PTPRG: variants seen among roughly 807,000 people sequenced by gnomAD.
The protein encoded by PTPRG is receptor-type tyrosine-protein phosphatase gamma.
In PTPRG, 102 loss-of-function variants were observed where a neutral mutation model predicts 165.3. The ratio of observed to expected loss-of-function variants is 0.62; its 90% CI spans 0.53 to 0.73. The LOEUF is 0.73. Ranked by LOEUF, PTPRG falls within the 30% of genes least tolerant of loss-of-function variation. The probability of loss-of-function intolerance (pLI) is 0.00; values close to 1 mark genes in which losing one functional copy is unlikely to be tolerated. For missense variants in PTPRG, 1,866 were observed against 1,861.4 expected (o/e 1.00, Z -0.05); for synonymous variants, 675 against 669.5 (o/e 1.01, Z -0.13).
intron 6 of PTPRG, among the ~76,000 whole-genome samples, chr3:62,150,931 A>T (rs1445380300): frequency 6.6e-6 from 1 of 152,192 alleles, no homozygotes; most frequent in Non-Finnish European, 1.5e-5. Context: ...TCTCTTCTAT[A>T]CATTGACTGT....
intron 1 of PTPRG, among the ~76,000 whole-genome samples, chr3:61,655,731 C>G (rs1702492073): frequency 1.3e-5 from 2 of 152,126 alleles, no homozygotes; most frequent in East Asian, 3.9e-4. Context: ...TCAGCCTTCC[C>G]TGTAGCCAGG....
intron 1 of PTPRG, among the ~76,000 whole-genome samples, chr3:61,635,657 A>G (rs1226810342): frequency 6.6e-6 from 1 of 152,000 alleles, no homozygotes; most frequent in South Asian, 2.1e-4. Context: ...TATATTATTA[A>G]TACTATTATT....
chr3:62,010,441 TTTCTC>T (rs150504454), intron 4 of PTPRG, among the ~76,000 whole-genome samples: 1,594 of 152,122 alleles, frequency 0.01, 22 homozygotes, highest in African/African-American at 0.036. Context: ...AGTTTATACT[TTTCTC>T]CTCTCAACCT....
At chr3:62,189,436 G>C (rs954297849) in intron 8 of PTPRG, among the ~76,000 whole-genome samples, 2 of 152,148 alleles carry the variant, frequency 1.3e-5, no homozygotes, top group African/African-American at 4.8e-5. Flanking sequence ...GGGCTGCAGG[G>C]CATGTGGGTG....
At chr3:61,787,788 T>C (rs1184577727) in intron 2 of PTPRG, among the ~76,000 whole-genome samples, 2 of 152,238 alleles carry the variant, frequency 1.3e-5, no homozygotes, top group East Asian at 3.9e-4. Context: ...TAAAACAGTT[T>C]CCGTTTATTA....
intron 2 of PTPRG, among the ~76,000 whole-genome samples, chr3:61,786,234 A>G (rs2034697846): frequency 6.6e-6 from 1 of 152,176 alleles, no homozygotes; most frequent in African/African-American, 2.4e-5. Flanking sequence ...GGCAATTTGC[A>G]TTGGCCAATG....
intron 2 of PTPRG, among the ~76,000 whole-genome samples, chr3:61,793,735 G>A (rs932207634): frequency 5.3e-5 from 8 of 152,160 alleles, no homozygotes; most frequent in Non-Finnish European, 8.8e-5. Context: ...CTTTCTGGAT[G>A]CTGTCTACTT....
intron 4 of PTPRG, among the ~76,000 whole-genome samples, chr3:62,034,963 C>T (rs558787217): frequency 7.2e-5 from 11 of 152,104 alleles, no homozygotes; most frequent in African/African-American, 2.7e-4. Context: ...AGGACTGCAC[C>T]GTATTGATTC....
intron 14 of PTPRG, among the ~76,000 whole-genome samples, chr3:62,241,448 C>A (rs895666254): frequency 1.3e-5 from 2 of 152,160 alleles, no homozygotes; most frequent in South Asian, 4.1e-4. Context: ...TGATCCTTAT[C>A]CCCAGTCGTG....
At chr3:61,804,882 T>C (rs568323147) in intron 2 of PTPRG, among the ~76,000 whole-genome samples, 1 of 152,194 alleles carries the variant, frequency 6.6e-6, no homozygotes, top group East Asian at 1.9e-4. Flanking sequence ...AAATGCCAGC[T>C]CTCTTCCCCC....
chr3:62,121,795 G>T (rs763128520), intron 5 of PTPRG, among the ~76,000 whole-genome samples: 2 of 152,208 alleles, frequency 1.3e-5, no homozygotes, highest in African/African-American at 4.8e-5. Flanking sequence ...GCTCTATGAA[G>T]AAATCATATT....
At chr3:61,638,016 T>G (rs1373465263) in intron 1 of PTPRG, among the ~76,000 whole-genome samples, 2 of 152,196 alleles carry the variant, frequency 1.3e-5, no homozygotes, top group Non-Finnish European at 2.9e-5. Flanking sequence ...TTTGGAATTT[T>G]AAGGACGTAA....
chr3:61,698,791 A>T (rs984263301), intron 1 of PTPRG, among the ~76,000 whole-genome samples: 2 of 152,208 alleles, frequency 1.3e-5, no homozygotes, highest in African/African-American at 4.8e-5. Context: ...ACACATTTTT[A>T]TAAAAGAATA....
intron 6 of PTPRG, among the ~76,000 whole-genome samples, chr3:62,133,736 G>A (rs1355177334): frequency 6.6e-6 from 1 of 152,160 alleles, no homozygotes; most frequent in Non-Finnish European, 1.5e-5. Flanking sequence ...TGTAATCCCA[G>A]CACTTTGGGA....
chr3:62,032,531 A>T (rs1338489692), intron 4 of PTPRG, among the ~76,000 whole-genome samples: 2 of 149,036 alleles, frequency 1.3e-5, no homozygotes, highest in Admixed American at 7.0e-5. Context: ...GTTGAAGAGC[A>T]TTCCCATTTT....
rs759737354 is a variant in PTPRG, at chr3:62,277,051, G to A, written c.3636+3G>A. 14 of 1,608,998 alleles carry A rather than the reference G, an allele frequency of 8.7e-6. No individual in the cohort carries two copies. Among genetic ancestry groups the A allele is most frequent in the Non-Finnish European group, 1.2e-5 (14 of 1,175,822 alleles). Reference sequence around the variant, plus strand: ...ACATTAATGCTTCTTATATCATGGTGAGAGTCAACAGTTAATTATAAATAA... The same window carrying A: ...ACATTAATGCTTCTTATATCATGGTAAGAGTCAACAGTTAATTATAAATAA... On this transcript the variant is annotated splice_donor_region_variant and intron_variant, in intron 25 of 29. Transcript: ENST00000474889.
intron 5 of PTPRG, among the ~76,000 whole-genome samples, chr3:62,085,313 A>C (rs926515939): frequency 7.0e-6 from 1 of 142,570 alleles, no homozygotes; most frequent in Admixed American, 6.8e-5. Context: ...GAGCTGGTCA[A>C]GGACATTGAA....
chr3:62,005,842 A>G (rs1455117035), intron 4 of PTPRG, among the ~76,000 whole-genome samples: 1 of 151,734 alleles, frequency 6.6e-6, no homozygotes, highest in Non-Finnish European at 1.5e-5. Context: ...AGCTGGGATT[A>G]CAGGTGTGTG....
chr3:61,985,152 C>T (rs1559728973), intron 2 of PTPRG, among the ~76,000 whole-genome samples: 1 of 152,208 alleles, frequency 6.6e-6, no homozygotes, highest in Non-Finnish European at 1.5e-5. Flanking sequence ...GCCAGAGGGG[C>T]GAACTCTACT....
Sources: gnomAD v4.1 joint callset for allele counts (sites outside exome capture counted in the v4.1 genomes callset) on GRCh38, gnomAD v4.1.1 for gene constraint, MANE v1.5 for transcripts, NCBI Gene and HGNC (gene_info 2026-07-23, HGNC 2026-07-21) for gene names.